Variants in PDE5A observed in about 807,000 individuals in gnomAD.
PDE5A encodes the protein cGMP-specific 3',5'-cyclic phosphodiesterase.
A neutral mutation model predicts 110.2 loss-of-function variants in PDE5A; 67 were observed. The observed-to-expected ratio is 0.61, with a 90% CI of 0.50 to 0.75. PDE5A has a LOEUF of 0.75. PDE5A is among the 30% of genes least tolerant of loss of function. The pLI is 0.00. For synonymous variants in PDE5A, 328 were observed against 351.2 expected (o/e 0.93, Z 0.74); for missense variants, 862 against 1,045.1 (o/e 0.82, Z 2.42).
At chr4:119,506,468 A>G (rs988875883) in intron 16 of PDE5A, among the ~76,000 whole-genome samples, 10 of 151,876 alleles carry the variant, frequency 6.6e-5, no homozygotes, top group Non-Finnish European at 1.0e-4. Flanking sequence ...AGTATTGTTA[A>G]GCATTTTGAG....
At chr4:119,564,578 G>C (rs2110506884) in intron 5 of PDE5A, among the ~76,000 whole-genome samples, 1 of 152,040 alleles carries the variant, frequency 6.6e-6, no homozygotes, top group South Asian at 2.1e-4. Flanking sequence ...AAGCAGAAGG[G>C]GAACTCAACA....
At position 119,627,349 on chromosome 4, in the gene PDE5A, G is replaced by C; in HGVS notation, c.152+1171C>G. The C allele has an allele frequency of 9.6e-7, 1 of 1,041,538 alleles. No individual in the cohort carries two copies. Among genetic ancestry groups the C allele is most frequent in the Non-Finnish European group, 1.2e-6 (1 of 862,888 alleles). 64.5% of individuals were successfully genotyped at this position (1,041,538 alleles called of 1,614,324 possible). Reference sequence around the variant, plus strand: ...TCGCCTCCCGCTCGCCCCGCGCTGCGCCGCCCCCTGGCGGGGAGCGACCGG... The same window carrying C: ...TCGCCTCCCGCTCGCCCCGCGCTGCCCCGCCCCCTGGCGGGGAGCGACCGG... On this transcript the variant is annotated intron_variant, in intron 1 of 20. Transcript: ENST00000354960. This position sits in a 1 kb window ranked among gnomAD's most constrained non-coding sequence, Gnocchi z 4.6.
intron 2 of PDE5A, among the ~76,000 whole-genome samples, chr4:119,604,589 A>G (rs1729463581): frequency 6.6e-6 from 1 of 152,202 alleles, no homozygotes; most frequent in Admixed American, 6.5e-5. Flanking sequence ...TATGAAGACC[A>G]GTAAATTTTT....
At chr4:119,505,064 T>C (rs143322500) in intron 17 of PDE5A, among the ~76,000 whole-genome samples, 40 of 152,186 alleles carry the variant, frequency 2.6e-4, no homozygotes, top group African/African-American at 9.4e-4. Flanking sequence ...AACTTCTAAA[T>C]GAAAAGCCTT....
chr4:119,550,626 C>T (rs373488512), intron 9 of PDE5A, among the ~76,000 whole-genome samples: 1 of 152,146 alleles, frequency 6.6e-6, no homozygotes, highest in Non-Finnish European at 1.5e-5. Flanking sequence ...AGTTATTATT[C>T]CAAAGAAATG....
intron 2 of PDE5A, among the ~76,000 whole-genome samples, chr4:119,606,345 G>C (rs1729527389): frequency 6.6e-6 from 1 of 152,048 alleles, no homozygotes; most frequent in African/African-American, 2.4e-5. Context: ...TAGAATCTCA[G>C]TAAAATCCTA....
intron 7 of PDE5A, among the ~76,000 whole-genome samples, chr4:119,557,300 C>G (rs764174983): frequency 4.0e-4 from 61 of 152,196 alleles, no homozygotes; most frequent in Non-Finnish European, 7.2e-4. Context: ...CTGGGTCAGA[C>G]TTTCGTGTTG....
chr4:119,593,337 C>T (rs1303566990), intron 3 of PDE5A, among the ~76,000 whole-genome samples: 1 of 152,136 alleles, frequency 6.6e-6, no homozygotes, highest in East Asian at 1.9e-4. Context: ...AAATGTTTAT[C>T]AACTGATGAA....
chr4:119,566,005 GAAAT>G (rs918829059), intron 4 of PDE5A, among the ~76,000 whole-genome samples: 3 of 149,682 alleles, frequency 2.0e-5, no homozygotes, highest in African/African-American at 4.9e-5. Context: ...ATTATTGATT[GAAAT>G]AAATATTTAG....
chr4:119,535,555 A>G (rs1378765423), intron 11 of PDE5A, among the ~76,000 whole-genome samples: 1 of 152,158 alleles, frequency 6.6e-6, no homozygotes, highest in Non-Finnish European at 1.5e-5. Context: ...TCTAATAACC[A>G]TAACAGGTCA....
At chr4:119,602,050 T>G (rs1729365392) in intron 2 of PDE5A, among the ~76,000 whole-genome samples, 1 of 152,300 alleles carries the variant, frequency 6.6e-6, no homozygotes, top group East Asian at 1.9e-4. Context: ...AAAATAACTC[T>G]AAAGCTTATT....
intron 5 of PDE5A, among the ~76,000 whole-genome samples, chr4:119,564,653 A>G (rs1727860447): frequency 6.6e-6 from 1 of 152,128 alleles, no homozygotes; most frequent in Non-Finnish European, 1.5e-5. Flanking sequence ...TACTAGAGCA[A>G]AGAGTTCAAG....
intron 14 of PDE5A, among the ~76,000 whole-genome samples, chr4:119,516,135 A>C (rs1725899665): frequency 2.0e-5 from 3 of 152,276 alleles, no homozygotes; most frequent in African/African-American, 7.2e-5. Context: ...ACATTTTAAG[A>C]CCAAGTTTAA....
intron 5 of PDE5A, 42 bp from the exon 6 acceptor site, chr4:119,563,012 G>A: frequency 2.0e-6 from 3 of 1,507,644 alleles, no homozygotes; most frequent in Non-Finnish European, 2.7e-6. Flanking sequence ...GCAATTGATT[G>A]TAATTATTAA....
At chr4:119,604,904 T>C (rs1362628315) in intron 2 of PDE5A, among the ~76,000 whole-genome samples, 2 of 152,276 alleles carry the variant, frequency 1.3e-5, no homozygotes, top group African/African-American at 4.8e-5. Flanking sequence ...TACTTCTTCA[T>C]CCGAAATCCA....
chr4:119,619,219 C>T (rs1730054951), intron 1 of PDE5A, among the ~76,000 whole-genome samples: 2 of 152,270 alleles, frequency 1.3e-5, no homozygotes, highest in African/African-American at 4.8e-5. Flanking sequence ...TATACAGTTT[C>T]AGTTACGTTG....
Position 119,496,232 on chromosome 4 carries a change from A to G in PDE5A, c.*2369T>C, listed in dbSNP as rs1443168362. ...AAATCTAGAACAAGAACTTCTTGCTAGTTATGGGTAATATAAATACAGAGT... is the reference window on the plus strand; with the variant it reads ...AAATCTAGAACAAGAACTTCTTGCTGGTTATGGGTAATATAAATACAGAGT... On this transcript the variant is annotated 3_prime_UTR_variant, in exon 21 of 21. Transcript: ENST00000354960. The G allele has an allele frequency of 6.6e-6, 1 of 152,190 alleles. No individual in the cohort carries two copies. Among genetic ancestry groups the G allele is most frequent in the African/African-American group, 2.4e-5 (1 of 41,464 alleles). 9.4% of individuals were successfully genotyped at this position (152,190 alleles called of 1,614,324 possible).
At chr4:119,624,917 T>G (rs1300519963) in intron 1 of PDE5A, among the ~76,000 whole-genome samples, 2 of 152,210 alleles carry the variant, frequency 1.3e-5, no homozygotes. Context: ...CTCAAATTAA[T>G]TTTTATGCCA....
At chr4:119,554,983 G>A (rs1727487884) in intron 7 of PDE5A, among the ~76,000 whole-genome samples, 1 of 152,114 alleles carries the variant, frequency 6.6e-6, no homozygotes, top group South Asian at 2.1e-4. Context: ...CAGGAAAAAT[G>A]TCCACTTGTT....
Sources: allele counts gnomAD v4.1 joint callset (sites outside exome capture counted in the v4.1 genomes callset), GRCh38; gene constraint gnomAD v4.1.1; non-coding constraint Gnocchi (gnomAD v3.1); transcripts MANE v1.5; gene names NCBI Gene and HGNC (gene_info 2026-07-23, HGNC 2026-07-21).